NR3C1: variants seen among roughly 807,000 people sequenced by gnomAD.
The protein encoded by NR3C1 is nuclear receptor subfamily 3 group C member 1.
Under a neutral mutation model 74.0 loss-of-function variants are expected in NR3C1, and 14 were observed. The observed-to-expected ratio is 0.19, with a 90% CI of 0.12 to 0.30. The LOEUF (loss-of-function observed/expected upper bound fraction) is 0.30, where lower values mean the gene tolerates loss of function less well. Ranked by LOEUF, NR3C1 falls within the 10% of genes least tolerant of loss-of-function variation. The pLI is 1.00. For missense variants in NR3C1, 695 were observed against 909.8 expected (o/e 0.76, Z 3.04); for synonymous variants, 308 against 332.5 (o/e 0.93, Z 0.80).
At chr5:143,352,378 A>C (rs545993112) in intron 2 of NR3C1, among the ~76,000 whole-genome samples, 2 of 152,184 alleles carry the variant, frequency 1.3e-5, no homozygotes, top group Non-Finnish European at 2.9e-5. Flanking sequence ...CATATTATGA[A>C]CTGCAAGAAT....
chr5:143,341,651 C>T (rs922482420), intron 2 of NR3C1, among the ~76,000 whole-genome samples: 4 of 151,996 alleles, frequency 2.6e-5, no homozygotes, highest in Admixed American at 1.3e-4. Context: ...TTTTTGACCA[C>T]CAGAAAGTTG....
At chr5:143,405,470 C>G, upstream of NR3C1, 1 of 600,152 alleles carries the variant, frequency 1.7e-6, no homozygotes, top group Non-Finnish European at 2.1e-6. Context: ...CGGCCACCAT[C>G]TTGGCAAAGG....
chr5:143,297,428 A>C (rs1817545707), intron 6 of NR3C1, among the ~76,000 whole-genome samples: 1 of 152,210 alleles, frequency 6.6e-6, no homozygotes, highest in Admixed American at 6.5e-5. Flanking sequence ...TAAAAAACAA[A>C]TACTGCCAAC....
intron 7 of NR3C1, chr5:143,294,270 T>C: frequency 1.0e-6 from 1 of 981,430 alleles, no homozygotes; most frequent in Non-Finnish European, 1.2e-6. Context: ...TTTTAAAAAA[T>C]TGCAAATGTA....
At chr5:143,404,832 T>G (rs1004132198), upstream of NR3C1, among the ~76,000 whole-genome samples, 2 of 152,090 alleles carry the variant, frequency 1.3e-5, no homozygotes, top group African/African-American at 4.8e-5. Context: ...AAGTTCCCGG[T>G]GCAGGCCCCA....
intron 2 of NR3C1, among the ~76,000 whole-genome samples, chr5:143,395,854 C>T (rs749285445): frequency 2.6e-5 from 4 of 151,710 alleles, no homozygotes; most frequent in Non-Finnish European, 5.9e-5. Context: ...TAAAGTAAAC[C>T]CTTTTGATCC....
At chr5:143,320,829 A>C (rs1823202261) in intron 2 of NR3C1, among the ~76,000 whole-genome samples, 2 of 152,156 alleles carry the variant, frequency 1.3e-5, no homozygotes. Context: ...CTTCAAACCA[A>C]GTGTCAAAGA....
intron 2 of NR3C1, among the ~76,000 whole-genome samples, chr5:143,339,528 G>C (rs929727974): frequency 6.6e-6 from 1 of 152,132 alleles, no homozygotes; most frequent in Non-Finnish European, 1.5e-5. Flanking sequence ...TTCTCTGAAT[G>C]TTCCCTTTTT....
At chr5:143,394,000 T>A (rs1838754179) in intron 2 of NR3C1, among the ~76,000 whole-genome samples, 1 of 152,046 alleles carries the variant, frequency 6.6e-6, no homozygotes, top group Admixed American at 6.6e-5. Flanking sequence ...TGCGTAAACA[T>A]TTACAACTAA....
intron 2 of NR3C1, among the ~76,000 whole-genome samples, chr5:143,385,052 G>A (rs1836938015): frequency 6.6e-6 from 1 of 152,156 alleles, no homozygotes; most frequent in Non-Finnish European, 1.5e-5. Flanking sequence ...ACACCCATAG[G>A]CCCAACACCA....
chr5:143,413,903 A>AT (rs1841392112), intron 1 of NR3C1, among the ~76,000 whole-genome samples: 2 of 39,026 alleles, frequency 5.1e-5, no homozygotes, highest in African/African-American at 2.0e-4. Flanking sequence ...GAGAAAAGGG[A>AT]TTTCTGGGCA....
intron 7 of NR3C1, among the ~76,000 whole-genome samples, chr5:143,284,075 CTTATTA>C (rs977400430): frequency 2.6e-5 from 4 of 151,986 alleles, no homozygotes; most frequent in African/African-American, 4.8e-5. Context: ...TTCTAGAAGT[CTTATTA>C]TTATTATTTT....
At chr5:143,372,001 G>A (rs1321575797) in intron 2 of NR3C1, among the ~76,000 whole-genome samples, 1 of 152,072 alleles carries the variant, frequency 6.6e-6, no homozygotes, top group African/African-American at 2.4e-5. Flanking sequence ...GAAATCACAG[G>A]TAGTACCAAA....
At chr5:143,362,363 T>C (rs1027101366) in intron 2 of NR3C1, among the ~76,000 whole-genome samples, 4 of 151,398 alleles carry the variant, frequency 2.6e-5, no homozygotes, top group Non-Finnish European at 4.4e-5. Flanking sequence ...AAGACTTGTT[T>C]TTTTTTTTTT....
intron 7 of NR3C1, chr5:143,294,116 T>C: frequency 2.0e-6 from 2 of 985,122 alleles, no homozygotes; most frequent in Non-Finnish European, 1.2e-6. Context: ...GCAAAAATAG[T>C]GTGAAAACAT....
intron 7 of NR3C1, among the ~76,000 whole-genome samples, chr5:143,283,446 GTTAACT>G (rs1451774215): frequency 2.0e-5 from 3 of 152,130 alleles, no homozygotes; most frequent in Non-Finnish European, 4.4e-5. Flanking sequence ...GTGATTTTTA[GTTAACT>G]TTGTCTGCCA....
At chr5:143,353,164 G>A (rs952417942) in intron 2 of NR3C1, among the ~76,000 whole-genome samples, 3 of 152,078 alleles carry the variant, frequency 2.0e-5, no homozygotes, top group Non-Finnish European at 4.4e-5. Flanking sequence ...ATCCATTCAC[G>A]TTTTCTCATG....
chr5:143,428,940 T>C (rs1751674656), intron 1 of NR3C1, among the ~76,000 whole-genome samples: 1 of 152,204 alleles, frequency 6.6e-6, no homozygotes, highest in South Asian at 2.1e-4. Context: ...CTGACTTTGC[T>C]AATTTGACTT....
intron 1 of NR3C1, chr5:143,402,936 G>A (rs1840610198): frequency 1.4e-5 from 11 of 810,522 alleles, no homozygotes; most frequent in Non-Finnish European, 1.5e-5. Context: ...CGAAGCCCCC[G>A]GCAGTTCGAC....
Sources: allele counts gnomAD v4.1 joint callset (sites outside exome capture counted in the v4.1 genomes callset), GRCh38; gene constraint gnomAD v4.1.1; transcripts MANE v1.5; gene names NCBI Gene and HGNC (gene_info 2026-07-23, HGNC 2026-07-21).